Variants in BBS9 observed in about 807,000 individuals in gnomAD.
The protein encoded by BBS9 is protein PTHB1.
BBS9 carries 89 observed loss-of-function variants against 117.7 expected under a neutral mutation model. The observed-to-expected ratio is 0.76, with a 90% CI of 0.64 to 0.90. The LOEUF is 0.90. BBS9 is among the 40% of genes least tolerant of loss of function. The pLI is 0.00. For missense variants in BBS9, 982 were observed against 1,042.2 expected (o/e 0.94, Z 0.80); for synonymous variants, 379 against 370.9 (o/e 1.02, Z -0.25).
intron 19 of BBS9, among the ~76,000 whole-genome samples, chr7:33,442,151 C>T (rs949416492): frequency 3.3e-5 from 5 of 152,164 alleles, no homozygotes; most frequent in Admixed American, 6.5e-5. Context: ...GTTGGCCTCC[C>T]AAAGTGCTGG....
intron 21 of BBS9, among the ~76,000 whole-genome samples, chr7:33,582,235 C>G (rs969813117): frequency 6.6e-6 from 1 of 152,006 alleles, no homozygotes; most frequent in African/African-American, 2.4e-5. Flanking sequence ...GTTAGGCCAA[C>G]TAGGAGGCAG....
At chr7:33,408,350 C>G (rs541322053) in intron 19 of BBS9, among the ~76,000 whole-genome samples, 6 of 152,278 alleles carry the variant, frequency 3.9e-5, no homozygotes, top group Admixed American at 3.9e-4. Flanking sequence ...CACCCCTTTC[C>G]TTGACCAGGA....
chr7:33,442,776 A>G (rs1187097302), intron 19 of BBS9, among the ~76,000 whole-genome samples: 2 of 152,070 alleles, frequency 1.3e-5, no homozygotes, highest in Non-Finnish European at 2.9e-5. Flanking sequence ...TTTTGGTCTC[A>G]TTAGCTTGGT....
At chr7:33,608,773 C>T (rs1358697440), downstream of BBS9, among the ~76,000 whole-genome samples, 1 of 151,980 alleles carries the variant, frequency 6.6e-6, no homozygotes, top group East Asian at 1.9e-4. Flanking sequence ...TTGTTGGGTG[C>T]ATAGTTTGCA....
At chr7:33,260,156 C>T (rs1032001998) in intron 6 of BBS9, among the ~76,000 whole-genome samples, 8 of 152,044 alleles carry the variant, frequency 5.3e-5, no homozygotes, top group Non-Finnish European at 8.8e-5. Flanking sequence ...CATGCTGCCA[C>T]GCCCAGCTAA....
intron 21 of BBS9, among the ~76,000 whole-genome samples, chr7:33,601,018 G>A (rs987457264): frequency 2.6e-5 from 4 of 152,158 alleles, no homozygotes; most frequent in African/African-American, 4.8e-5. Context: ...ATGATCTGGG[G>A]TAACATTGTA....
intron 19 of BBS9, among the ~76,000 whole-genome samples, chr7:33,493,140 A>G (rs372097827): frequency 1.3e-5 from 2 of 152,190 alleles, no homozygotes; most frequent in African/African-American, 4.8e-5. Context: ...GATTACAGGC[A>G]TGAGCCACTA....
chr7:33,195,214 T>G (rs1784750654), intron 5 of BBS9, among the ~76,000 whole-genome samples: 1 of 152,168 alleles, frequency 6.6e-6, no homozygotes, highest in African/African-American at 2.4e-5. Flanking sequence ...TGGCACATAG[T>G]GGGTGCTTAA....
chr7:33,586,912 A>T (rs951457897), intron 21 of BBS9, among the ~76,000 whole-genome samples: 14 of 152,096 alleles, frequency 9.2e-5, no homozygotes, highest in Non-Finnish European at 1.5e-5. Flanking sequence ...GGAGGGCAGG[A>T]GTGAAGGTTA....
chr7:33,323,931 G>A (rs71532573), intron 9 of BBS9, among the ~76,000 whole-genome samples: 22,747 of 148,160 alleles, frequency 0.15, 2,143 homozygotes, highest in South Asian at 0.21. Flanking sequence ...TCTGCCTCAC[G>A]GGTTCAAGCA....
chr7:33,573,251 A>G (rs758865391), intron 21 of BBS9, among the ~76,000 whole-genome samples: 21 of 152,236 alleles, frequency 1.4e-4, no homozygotes, highest in Middle Eastern at 3.4e-3. Flanking sequence ...TTAAGAAACC[A>G]GTATCTGAGT....
intron 19 of BBS9, among the ~76,000 whole-genome samples, chr7:33,493,923 T>C (rs1844369012): frequency 6.6e-6 from 1 of 152,208 alleles, no homozygotes; most frequent in African/African-American, 2.4e-5. Flanking sequence ...TCTATAATGC[T>C]GACTATCAAA....
At chr7:33,226,430 T>C (rs1331216645) in intron 5 of BBS9, among the ~76,000 whole-genome samples, 1 of 152,184 alleles carries the variant, frequency 6.6e-6, no homozygotes, top group African/African-American at 2.4e-5. Flanking sequence ...AAAACTCTTC[T>C]ACTTTCAATG....
At chr7:33,475,360 A>G (rs1305368810) in intron 19 of BBS9, among the ~76,000 whole-genome samples, 1 of 152,244 alleles carries the variant, frequency 6.6e-6, no homozygotes, top group Admixed American at 6.5e-5. Flanking sequence ...GTTAGAATCA[A>G]CTGGGGACTT....
Position 33,383,790 on chromosome 7 carries a change from A to C in BBS9, c.1914A>C (p.Gly638=). Residue 638 remains glycine, a synonymous_variant, in exon 18 of 23, where the codon GGA becomes GGC. Coordinates refer to ENST00000242067, the MANE Select transcript of BBS9 (RefSeq NM_198428.3). Reference sequence around the variant, plus strand: ...AAGATTTTGCATGTTCTTTTTCGGGATCTATACCCCTTCAAGAATATTTTG... The same window carrying C: ...AAGATTTTGCATGTTCTTTTTCGGGCTCTATACCCCTTCAAGAATATTTTG... ...GVKDFACSFS[G]SIPLQEYFEL... 6.2e-7 allele frequency: 1 copy of C among 1,612,808 alleles called. No homozygotes were observed. Among genetic ancestry groups the C allele is most frequent in the Non-Finnish European group, 8.5e-7 (1 of 1,179,884 alleles).
chr7:33,389,615 G>C (rs1460406426), intron 19 of BBS9, among the ~76,000 whole-genome samples: 1 of 150,492 alleles, frequency 6.6e-6, no homozygotes, highest in Non-Finnish European at 1.5e-5. Flanking sequence ...GTTGAACCCG[G>C]GAGGTGGAGG....
At chr7:33,256,564 A>G (rs1368365484) in intron 5 of BBS9, among the ~76,000 whole-genome samples, 4 of 152,142 alleles carry the variant, frequency 2.6e-5, no homozygotes, top group Non-Finnish European at 5.9e-5. Context: ...CCTTAGTCAG[A>G]TACAAGAAGA....
chr7:33,318,315 G>A (rs999497557), intron 9 of BBS9, among the ~76,000 whole-genome samples: 1 of 152,028 alleles, frequency 6.6e-6, no homozygotes, highest in Non-Finnish European at 1.5e-5. Flanking sequence ...GCTTCTTTTG[G>A]AGTCTTTACA....
At chr7:33,330,601 A>C (rs140492712) in intron 9 of BBS9, among the ~76,000 whole-genome samples, 5 of 152,342 alleles carry the variant, frequency 3.3e-5, no homozygotes, top group East Asian at 1.9e-4. Flanking sequence ...ATTGAACTTT[A>C]AAAATCCATC....
Sources: allele counts gnomAD v4.1 joint callset (sites outside exome capture counted in the v4.1 genomes callset), GRCh38; gene constraint gnomAD v4.1.1; transcripts MANE v1.5; gene names NCBI Gene and HGNC (gene_info 2026-07-23, HGNC 2026-07-21).